The following LRFN5 variants were observed in gnomAD, a reference collection of about 807,000 sequenced individuals.
LRFN5 encodes the protein leucine-rich repeat and fibronectin type-III domain-containing protein 5.
A neutral mutation model predicts 45.6 loss-of-function variants in LRFN5; 24 were observed. That is an observed-to-expected ratio of 0.53 (90% CI 0.38 to 0.74). The LOEUF is 0.74. LRFN5 is among the 30% of genes least tolerant of loss of function. The probability of loss-of-function intolerance (pLI) is 0.00; values close to 1 mark genes in which losing one functional copy is unlikely to be tolerated. For missense variants in LRFN5, 776 were observed against 861.5 expected (o/e 0.90, Z 1.24); for synonymous variants, 340 against 313.8 (o/e 1.08, Z -0.88).
chr14:41,862,861 CT>C (rs536861522), intron 2 of LRFN5, among the ~76,000 whole-genome samples: 2,794 of 110,190 alleles, frequency 0.025, 15 homozygotes, highest in Middle Eastern at 0.041. Flanking sequence ...TTAAGTCTCT[CT>C]TTTTTTTTTT....
At chr14:41,772,608 A>C (rs1475115675) in intron 2 of LRFN5, among the ~76,000 whole-genome samples, 2 of 152,214 alleles carry the variant, frequency 1.3e-5, no homozygotes, top group Non-Finnish European at 2.9e-5. Context: ...ATTCTTTATA[A>C]TGGCTCTCAC....
At position 41,894,139 on chromosome 14, in the gene LRFN5, TGAATC is replaced by T. The variant is rs552638442; in HGVS notation, c.2098+2178_2098+2182del. ...CAAAAGCTTGCAAGACTTAAAGAAA[TGAATC>T]TTCAAAGACTTTCTGGGATTATGAA... is the stretch of plus-strand genomic sequence containing the variant. On this transcript the variant is annotated intron_variant, in intron 4 of 5. Transcript: ENST00000298119. 1.6e-4 allele frequency: 158 copies of T among 984,258 alleles called. No homozygotes were observed. The African/African-American group carries it at 2.3e-3, about 14-fold the overall frequency. 61.0% of individuals were successfully genotyped at this position (984,258 alleles called of 1,614,324 possible).
At chr14:41,677,131 G>GA (rs869165871) in intron 1 of LRFN5, among the ~76,000 whole-genome samples, 2 of 151,878 alleles carry the variant, frequency 1.3e-5, no homozygotes, top group Non-Finnish European at 2.9e-5. Flanking sequence ...AGAAAGGGGG[G>GA]AAAAACAAGG....
At position 41,823,750 on chromosome 14, in the gene LRFN5, A is replaced by G. The variant is rs1566466535; in HGVS notation, c.-21+56721A>G. On this transcript the variant is annotated intron_variant, in intron 2 of 5. Transcript: ENST00000298119. ...CTCAAATAGGAAATATTTGAGGAAA[A>G]TCTCAAATAGGTTTTCCAGACATTT... is the stretch of plus-strand genomic sequence containing the variant. 3.3e-5 allele frequency among the ~76,000 whole-genome samples: 5 copies of G among 152,274 alleles called. No homozygotes were observed. In the South Asian group the frequency reaches 1.0e-3, roughly 32 times the overall value.
chr14:41,852,653 C>A (rs1439810343), intron 2 of LRFN5, among the ~76,000 whole-genome samples: 27 of 151,884 alleles, frequency 1.8e-4, no homozygotes, highest in Non-Finnish European at 1.5e-5. Flanking sequence ...AGCATTTCAG[C>A]TTTGCACTAA....
intron 1 of LRFN5, among the ~76,000 whole-genome samples, chr14:41,734,316 T>TATATATATA (rs1884314909): frequency 5.2e-5 from 2 of 38,798 alleles, no homozygotes; most frequent in Non-Finnish European, 6.9e-5. Context: ...TGGACTGGTT[T>TATATATATA]TATATATATA....
At chr14:41,771,620 C>T (rs1886091569) in intron 2 of LRFN5, among the ~76,000 whole-genome samples, 1 of 152,010 alleles carries the variant, frequency 6.6e-6, no homozygotes, top group Non-Finnish European at 1.5e-5. Context: ...GCAGTACAGC[C>T]GAGTTATTTG....
chr14:41,696,908 A>G (rs10131184), intron 1 of LRFN5, among the ~76,000 whole-genome samples: 94,730 of 151,706 alleles, frequency 0.62, 31,385 homozygotes, highest in East Asian at 0.98. Context: ...GTCTAATCAG[A>G]TTATTTGTTT....
At chr14:41,661,268 C>T (rs1173191148) in intron 1 of LRFN5, among the ~76,000 whole-genome samples, 1 of 151,874 alleles carries the variant, frequency 6.6e-6, no homozygotes. Flanking sequence ...AGATAGGTCT[C>T]TTAATCTCAG....
intron 1 of LRFN5, among the ~76,000 whole-genome samples, chr14:41,618,558 A>G (rs190644629): frequency 6.6e-6 from 1 of 152,350 alleles, no homozygotes; most frequent in East Asian, 1.9e-4. Context: ...AAACCTCCAG[A>G]TAATTATAGT....
intron 1 of LRFN5, among the ~76,000 whole-genome samples, chr14:41,711,120 A>G (rs1163132026): frequency 6.6e-6 from 1 of 152,190 alleles, no homozygotes; most frequent in East Asian, 1.9e-4. Context: ...AAGAAAGAAG[A>G]CTAGATATCC....
At chr14:41,817,623 A>G (rs913132863) in intron 2 of LRFN5, among the ~76,000 whole-genome samples, 2 of 152,140 alleles carry the variant, frequency 1.3e-5, no homozygotes, top group Non-Finnish European at 2.9e-5. Flanking sequence ...GGATTTGGCT[A>G]AATTCCTTCT....
chr14:41,709,067 G>T (rs953521863), intron 1 of LRFN5, among the ~76,000 whole-genome samples: 2 of 147,772 alleles, frequency 1.4e-5, no homozygotes, highest in African/African-American at 4.9e-5. Flanking sequence ...AAGTCTTCTA[G>T]AAAGTAAAAC....
intron 2 of LRFN5, among the ~76,000 whole-genome samples, chr14:41,856,675 A>ATTATTATTATTTTTTTTTTTT: frequency 7.1e-4 from 13 of 18,336 alleles, no homozygotes; most frequent in African/African-American, 7.7e-4. Context: ...TATTATTATT[A>ATTATTATTATTTTTTTTTTTT]TTTTTTTTTT....
chr14:41,785,070 G>A (rs890004070), intron 2 of LRFN5, among the ~76,000 whole-genome samples: 1 of 152,030 alleles, frequency 6.6e-6, no homozygotes, highest in Non-Finnish European at 1.5e-5. Context: ...TATGAAAATA[G>A]CCACTCTAGC....
intron 2 of LRFN5, among the ~76,000 whole-genome samples, chr14:41,833,801 A>T (rs1212996378): frequency 6.6e-6 from 1 of 152,124 alleles, no homozygotes; most frequent in African/African-American, 2.4e-5. Flanking sequence ...CTTGGCATAA[A>T]TCTCTTGGTA....
intron 1 of LRFN5, among the ~76,000 whole-genome samples, chr14:41,679,479 A>C (rs1227578617): frequency 2.0e-5 from 3 of 152,156 alleles, no homozygotes; most frequent in African/African-American, 7.2e-5. Context: ...ACTAGGTCTC[A>C]GATGACATTT....
At chr14:41,872,193 T>C (rs904178147) in intron 2 of LRFN5, among the ~76,000 whole-genome samples, 1 of 152,244 alleles carries the variant, frequency 6.6e-6, no homozygotes, top group Non-Finnish European at 1.5e-5. Context: ...GCTATACCTG[T>C]CAAAAACTTC....
intron 2 of LRFN5, among the ~76,000 whole-genome samples, chr14:41,878,364 C>A (rs1388611430): frequency 6.6e-6 from 1 of 152,032 alleles, no homozygotes; most frequent in East Asian, 1.9e-4. Flanking sequence ...TCCTTTAACT[C>A]AACATATAAA....
Sources: gnomAD v4.1 joint callset for allele counts (sites outside exome capture counted in the v4.1 genomes callset) on GRCh38, gnomAD v4.1.1 for gene constraint, MANE v1.5 for transcripts, NCBI Gene and HGNC (gene_info 2026-07-23, HGNC 2026-07-21) for gene names.